VEPH1: variants seen among roughly 807,000 people sequenced by gnomAD.
VEPH1 encodes the protein ventricular zone expressed PH domain containing 1.
VEPH1 carries 80 observed loss-of-function variants against 85.2 expected under a neutral mutation model. That is an observed-to-expected ratio of 0.94 (90% CI 0.78 to 1.13). The LOEUF is 1.13. Among genes scored for constraint, VEPH1 ranks in the 50% most tolerant of loss-of-function variants. The probability of loss-of-function intolerance (pLI) is 0.00; values close to 1 mark genes in which losing one functional copy is unlikely to be tolerated. For missense variants in VEPH1, 955 were observed against 980.5 expected (o/e 0.97, Z 0.35); for synonymous variants, 297 against 348.0 (o/e 0.85, Z 1.63).
chr3:157,394,567 A>G (rs1362086465), intron 6 of VEPH1, among the ~76,000 whole-genome samples: 1 of 152,200 alleles, frequency 6.6e-6, no homozygotes, highest in Non-Finnish European at 1.5e-5. Context: ...CAGGCTGTTC[A>G]TGAAGCATAG....
intron 9 of VEPH1, among the ~76,000 whole-genome samples, chr3:157,318,849 C>T (rs537136538): frequency 6.6e-6 from 1 of 151,942 alleles, no homozygotes; most frequent in South Asian, 2.1e-4. Context: ...AGTTCAAGGC[C>T]ATCTTGGGCA....
At chr3:157,380,084 G>C (rs1464310089) in intron 7 of VEPH1, among the ~76,000 whole-genome samples, 1 of 152,112 alleles carries the variant, frequency 6.6e-6, no homozygotes, top group African/African-American at 2.4e-5. Flanking sequence ...TTTTTCCAAA[G>C]ACAAGCTTCT....
In VEPH1 at chr3:157,269,642, G is replaced by GTTTTTTTTTTTT. The variant is rs11408861; in HGVS notation, c.2129-3992_2129-3981dup. ...TTTGTTTTTTGTTTTTGTTTTTGTT[G>GTTTTTTTTTTTT]TTTTTTTTTTTTTTTTTTGCTATTA... On this transcript the variant is annotated intron_variant, in intron 12 of 13. Transcript: ENST00000362010. Among the ~76,000 whole-genome samples, 555 of 115,384 alleles carry GTTTTTTTTTTTT rather than the reference G, an allele frequency of 4.8e-3. 2 individuals carry two copies. The highest frequency in any genetic ancestry group is 6.8e-3 in the Non-Finnish European group (390 of 57,330). 75.7% of individuals were successfully genotyped at this position (115,384 alleles called of 152,430 possible).
intron 12 of VEPH1, among the ~76,000 whole-genome samples, chr3:157,272,580 C>T (rs767293178): frequency 1.5e-4 from 22 of 151,592 alleles, no homozygotes; most frequent in Admixed American, 3.3e-4. Flanking sequence ...ACATCAGCCT[C>T]CCTAGTAGCT....
At position 157,428,794 on chromosome 3, in the gene VEPH1, A is replaced by T. The variant is rs184273420; in HGVS notation, c.530-306T>A. On this transcript the variant is annotated intron_variant, in intron 4 of 13. Transcript: ENST00000362010. ...CAGACCACACCCTTGAGAAGGAAAC[A>T]GTTCCAATAAAGAATTCCTGATGAT... 3.9e-5 allele frequency among the ~76,000 whole-genome samples: 6 copies of T among 152,338 alleles called. No homozygotes were observed. In the East Asian group the frequency reaches 1.2e-3, roughly 29 times the overall value.
chr3:157,416,768 G>T (rs1482117056), intron 5 of VEPH1, among the ~76,000 whole-genome samples: 1 of 144,352 alleles, frequency 6.9e-6, no homozygotes, highest in Non-Finnish European at 1.5e-5. Flanking sequence ...GAAAGAAAAA[G>T]AAAAAATGAA....
At chr3:157,305,039 T>TCTATCTATCTATCTATCTAG (rs1719313222) in intron 11 of VEPH1, among the ~76,000 whole-genome samples, 1 of 147,750 alleles carries the variant, frequency 6.8e-6, no homozygotes, top group Non-Finnish European at 1.5e-5. Context: ...TATTGTTATA[T>TCTATCTATCTATCTATCTAG]CTATCTATCT....
chr3:157,437,865 C>T (rs769088962), intron 4 of VEPH1: 2 of 1,501,116 alleles, frequency 1.3e-6, no homozygotes, highest in East Asian at 2.7e-5. Context: ...AGACGCGAGC[C>T]GACCTGCACG....
At chr3:157,291,017 A>G (rs1386515035) in intron 11 of VEPH1, among the ~76,000 whole-genome samples, 2 of 152,144 alleles carry the variant, frequency 1.3e-5, no homozygotes, top group Non-Finnish European at 2.9e-5. Flanking sequence ...CTGTGAAGCA[A>G]TTTTCCAGAA....
At chr3:157,316,931 A>T in intron 10 of VEPH1, 131 bp downstream of exon 10, 1 of 897,684 alleles carries the variant, frequency 1.1e-6, no homozygotes, top group Non-Finnish European at 1.5e-6. Flanking sequence ...GGTTAAAGTT[A>T]TTAATGAAAT....
intron 11 of VEPH1, among the ~76,000 whole-genome samples, chr3:157,292,574 C>T (rs181137414): frequency 2.8e-4 from 42 of 151,996 alleles, no homozygotes; most frequent in African/African-American, 8.4e-4. Flanking sequence ...CACCTATCAT[C>T]GTAGCTACTT....
At chr3:157,481,486 A>AAAAAAAAAAAAAAAC (rs57277738) in intron 2 of VEPH1, among the ~76,000 whole-genome samples, 14 of 79,050 alleles carry the variant, frequency 1.8e-4, no homozygotes, top group East Asian at 1.1e-3. Flanking sequence ...AAAAAAAAAA[A>AAAAAAAAAAAAAAAC]CAATCCTAAG....
intron 7 of VEPH1, among the ~76,000 whole-genome samples, chr3:157,379,127 C>T (rs1157545530): frequency 1.3e-5 from 2 of 152,214 alleles, no homozygotes; most frequent in African/African-American, 2.4e-5. Flanking sequence ...GGATTAAAAT[C>T]TTTCCAAGCC....
chr3:157,496,107 G>A (rs576057947), intron 1 of VEPH1, among the ~76,000 whole-genome samples: 6 of 152,274 alleles, frequency 3.9e-5, no homozygotes, highest in African/African-American at 1.2e-4. Context: ...TAGGAGAATG[G>A]CGTTAGATAA....
chr3:157,425,204 G>A (rs757354412), intron 5 of VEPH1, among the ~76,000 whole-genome samples: 1 of 152,082 alleles, frequency 6.6e-6, no homozygotes, highest in Non-Finnish European at 1.5e-5. Flanking sequence ...TCCTGTGGGT[G>A]CACAAAAGTC....
At chr3:157,331,133 C>G (rs1462448870) in intron 9 of VEPH1, among the ~76,000 whole-genome samples, 1 of 152,186 alleles carries the variant, frequency 6.6e-6, no homozygotes, top group African/African-American at 2.4e-5. Context: ...AAAATTTCAT[C>G]CCTTCAGATA....
At chr3:157,291,259 T>C (rs774887471) in intron 11 of VEPH1, among the ~76,000 whole-genome samples, 1 of 152,230 alleles carries the variant, frequency 6.6e-6, no homozygotes, top group Non-Finnish European at 1.5e-5. Context: ...GTTTGTATAG[T>C]TATTTTCAGT....
At chr3:157,404,657 C>T (rs1377245769) in intron 6 of VEPH1, among the ~76,000 whole-genome samples, 1 of 152,078 alleles carries the variant, frequency 6.6e-6, no homozygotes, top group Non-Finnish European at 1.5e-5. Flanking sequence ...TACAAAACAC[C>T]AACTCCCATC....
chr3:157,469,530 G>C (rs1047526704), intron 3 of VEPH1, among the ~76,000 whole-genome samples: 1 of 152,146 alleles, frequency 6.6e-6, no homozygotes, highest in African/African-American at 2.4e-5. Flanking sequence ...AGGTTAACCA[G>C]CTTTCTTTAT....
Sources: allele counts gnomAD v4.1 joint callset (sites outside exome capture counted in the v4.1 genomes callset), GRCh38; gene constraint gnomAD v4.1.1; transcripts MANE v1.5; gene names NCBI Gene and HGNC (gene_info 2026-07-23, HGNC 2026-07-21).